EFCAB6: variants seen among roughly 807,000 people sequenced by gnomAD.
EFCAB6 encodes EF-hand calcium-binding domain-containing protein 6.
Under a neutral mutation model 169.8 loss-of-function variants are expected in EFCAB6, and 156 were observed. That is an observed-to-expected ratio of 0.92 (90% CI 0.81 to 1.05). The LOEUF (loss-of-function observed/expected upper bound fraction) is 1.05, where lower values mean the gene tolerates loss of function less well. EFCAB6 is among the 50% of genes least tolerant of loss of function. EFCAB6 has a pLI of 0.00. For missense variants in EFCAB6, 1,800 were observed against 1,829.1 expected (o/e 0.98, Z 0.29); for synonymous variants, 698 against 676.4 (o/e 1.03, Z -0.50).
intron 6 of EFCAB6, among the ~76,000 whole-genome samples, chr22:43,739,079 A>T (rs2060272203): frequency 6.6e-6 from 1 of 151,904 alleles, no homozygotes; most frequent in African/African-American, 2.4e-5. Flanking sequence ...TCCTCCAGTC[A>T]CCCATTCCCT....
intron 26 of EFCAB6, among the ~76,000 whole-genome samples, chr22:43,569,371 AAGG>A (rs1224559845): frequency 6.6e-6 from 1 of 152,230 alleles, no homozygotes; most frequent in Non-Finnish European, 1.5e-5. Flanking sequence ...AGCTGGCTTT[AAGG>A]AGGTGATCCA....
chr22:43,661,726 C>T (rs2148154778), intron 17 of EFCAB6, among the ~76,000 whole-genome samples: 1 of 152,320 alleles, frequency 6.6e-6, no homozygotes, highest in Non-Finnish European at 1.5e-5. Flanking sequence ...AGCATGCTGT[C>T]CTTCCTGGTA....
chr22:43,775,592 G>T (rs1163694595), intron 3 of EFCAB6, among the ~76,000 whole-genome samples: 1 of 152,206 alleles, frequency 6.6e-6, no homozygotes, highest in East Asian at 1.9e-4. Context: ...ATAGGCACCT[G>T]CCACCATGCC....
At chr22:43,529,465 A>G (rs575169400) in intron 31 of EFCAB6, among the ~76,000 whole-genome samples, 9 of 152,318 alleles carry the variant, frequency 5.9e-5, no homozygotes, top group African/African-American at 2.2e-4. Context: ...CTTCCTCTTC[A>G]GTTATAGAAC....
At chr22:43,732,881 T>C (rs1261281948) in intron 7 of EFCAB6, among the ~76,000 whole-genome samples, 2 of 152,238 alleles carry the variant, frequency 1.3e-5, no homozygotes, top group Non-Finnish European at 2.9e-5. Flanking sequence ...TTCTGTGTTA[T>C]CACATTTCTA....
At chr22:43,553,228 G>A (rs2048489956) in intron 27 of EFCAB6, 1 of 152,266 alleles carries the variant, frequency 6.6e-6, no homozygotes, top group Non-Finnish European at 1.5e-5. Flanking sequence ...AGGCGAAAGA[G>A]TGACATTTCC....
intron 4 of EFCAB6, among the ~76,000 whole-genome samples, chr22:43,769,162 C>G (rs1382410155): frequency 2.6e-5 from 4 of 152,118 alleles, no homozygotes; most frequent in Non-Finnish European, 5.9e-5. Context: ...TATTACTCAG[C>G]CATAAAAAGG....
intron 10 of EFCAB6, among the ~76,000 whole-genome samples, chr22:43,706,748 T>C (rs951786828): frequency 6.6e-6 from 1 of 152,214 alleles, no homozygotes; most frequent in Admixed American, 6.5e-5. Flanking sequence ...CTTTTTCCAA[T>C]GTGTCCACGT....
At chr22:43,796,246 T>C (rs1225119547) in intron 2 of EFCAB6, among the ~76,000 whole-genome samples, 1 of 152,176 alleles carries the variant, frequency 6.6e-6, no homozygotes, top group Non-Finnish European at 1.5e-5. Context: ...GACTGTTCAA[T>C]GTCTGTCTTC....
intron 17 of EFCAB6, among the ~76,000 whole-genome samples, chr22:43,635,636 T>C (rs1182420818): frequency 6.6e-6 from 1 of 152,218 alleles, no homozygotes; most frequent in Non-Finnish European, 1.5e-5. Context: ...AAGTTTTCAT[T>C]CAAGTTTCAT....
At chr22:43,616,092 T>A (rs2053665967) in intron 20 of EFCAB6, among the ~76,000 whole-genome samples, 170 bp from the exon 21 acceptor site, 2 of 152,222 alleles carry the variant, frequency 1.3e-5, no homozygotes, top group Admixed American at 6.5e-5. Context: ...TCCAGCTGCA[T>A]GTCAGGGAAG....
At chr22:43,639,026 C>T (rs1432988591) in intron 17 of EFCAB6, among the ~76,000 whole-genome samples, 1 of 151,338 alleles carries the variant, frequency 6.6e-6, no homozygotes, top group Non-Finnish European at 1.5e-5. Context: ...CTCAGGTGAT[C>T]CGCCCACCTC....
At chr22:43,740,813 G>A (rs950320930) in intron 6 of EFCAB6, among the ~76,000 whole-genome samples, 5 of 152,244 alleles carry the variant, frequency 3.3e-5, no homozygotes, top group African/African-American at 4.8e-5. Context: ...TCTCATGGCC[G>A]GATAAAAATC....
At chr22:43,796,690 C>A (rs1199052306) in intron 2 of EFCAB6, among the ~76,000 whole-genome samples, 1 of 152,150 alleles carries the variant, frequency 6.6e-6, no homozygotes, top group Non-Finnish European at 1.5e-5. Flanking sequence ...TACGCTCTCT[C>A]CCAGCTCCTA....
chr22:43,659,140 C>T (rs927951635), intron 17 of EFCAB6, among the ~76,000 whole-genome samples: 11 of 152,218 alleles, frequency 7.2e-5, no homozygotes, highest in Non-Finnish European at 1.2e-4. Context: ...ATTTCTTATG[C>T]GCTCTCTCTG....
intron 17 of EFCAB6, among the ~76,000 whole-genome samples, chr22:43,665,702 C>G (rs762150019): frequency 1.8e-4 from 27 of 152,216 alleles, no homozygotes; most frequent in Admixed American, 3.9e-4. Context: ...CTGCTCTAAT[C>G]AAAATCATCA....
intron 26 of EFCAB6, among the ~76,000 whole-genome samples, chr22:43,564,122 G>A (rs1269692994): frequency 6.6e-6 from 1 of 152,164 alleles, no homozygotes; most frequent in South Asian, 2.1e-4. Context: ...GAAAAGACAG[G>A]CATCTTCCAG....
At chr22:43,637,529 A>G (rs1022180610) in intron 17 of EFCAB6, among the ~76,000 whole-genome samples, 3 of 152,234 alleles carry the variant, frequency 2.0e-5, no homozygotes, top group African/African-American at 7.2e-5. Flanking sequence ...GGAGGTTAAC[A>G]GTAAACAGGC....
chr22:43,663,679 A>T (rs2057112439), intron 17 of EFCAB6, among the ~76,000 whole-genome samples: 1 of 152,218 alleles, frequency 6.6e-6, no homozygotes, highest in Non-Finnish European at 1.5e-5. Context: ...TCAGTTTGTT[A>T]TGGACTGAAT....
Sources: gnomAD v4.1 joint callset for allele counts (sites outside exome capture counted in the v4.1 genomes callset) on GRCh38, gnomAD v4.1.1 for gene constraint, MANE v1.5 for transcripts, NCBI Gene and HGNC (gene_info 2026-07-23, HGNC 2026-07-21) for gene names.